Variants in SLC5A9 observed in about 807,000 individuals in gnomAD.
The protein encoded by SLC5A9 is sodium/glucose cotransporter 4.
In SLC5A9, 59 loss-of-function variants were observed where a neutral mutation model predicts 70.9. The observed-to-expected ratio is 0.83, with a 90% CI of 0.68 to 1.03. SLC5A9 has a LOEUF of 1.03. Among genes scored for constraint, SLC5A9 ranks in the 50% least tolerant of loss-of-function variants. The pLI is 0.00. For missense variants in SLC5A9, 832 were observed against 881.1 expected (o/e 0.94, Z 0.71); for synonymous variants, 340 against 346.5 (o/e 0.98, Z 0.21).
chr1:48,235,718 T>C lies in SLC5A9; in HGVS notation c.1142-11T>C. On this transcript the variant is annotated splice_polypyrimidine_tract_variant and intron_variant, in intron 9 of 13. Transcript: ENST00000438567. ...GGGCCAGCCGTTCACATGAGCCTCG[T>C]CTCTCCCCAGGTCTGCGGGGGCTGA... The C allele has an allele frequency of 1.2e-6, 2 of 1,614,048 alleles. No individual in the cohort carries two copies. The highest frequency in any genetic ancestry group is 1.7e-6 in the Non-Finnish European group (2 of 1,179,968).
At chr1:48,235,625 C>A in intron 9 of SLC5A9, 104 bp from the exon 10 acceptor site, 1 of 1,386,014 alleles carries the variant, frequency 7.2e-7, no homozygotes. Context: ...CTCTCATCCC[C>A]ACCCCCAGCT....
intron 12 of SLC5A9, chr1:48,241,010 C>T (rs551165742): frequency 6.6e-6 from 1 of 152,398 alleles, no homozygotes; most frequent in East Asian, 1.9e-4. Flanking sequence ...CTTCTGTTCA[C>T]TTCCATGAAA....
rs772901864 is a variant in SLC5A9, at chr1:48,242,510, G to A, written c.1731G>A (p.Lys577=). Reference sequence around the variant, plus strand: ...ACTGCCCCCTCTCTGAGCTGGAGAAGGAGGCCCACGAGAGCACACCGGAGA... The same window carrying A: ...ACTGCCCCCTCTCTGAGCTGGAGAAAGAGGCCCACGAGAGCACACCGGAGA... The part of the protein sequence containing the change: ...TRNCPLSELE[K]EAHESTPEIS... The change falls in exon 13 of 14, where the codon AAG becomes AAA. Residue 577 remains lysine (K), a synonymous_variant. Coordinates refer to ENST00000438567, the MANE Select transcript of SLC5A9 (RefSeq NM_001011547.3). The A allele has an allele frequency of 6.2e-7, 1 of 1,613,482 alleles. No individual in the cohort carries two copies. The highest frequency in any genetic ancestry group is 1.7e-5 in the Admixed American group (1 of 60,002).
chr1:48,233,563 G>A, intron 8 of SLC5A9, 92 bp from the exon 9 acceptor site: 1 of 940,804 alleles, frequency 1.1e-6, no homozygotes, highest in Non-Finnish European at 1.7e-6. Flanking sequence ...AGTCTCCAGT[G>A]AACATTATCC....
chr1:48,225,097 G>A (rs1163117900), intron 2 of SLC5A9, among the ~76,000 whole-genome samples: 7 of 152,096 alleles, frequency 4.6e-5, no homozygotes, highest in African/African-American at 1.4e-4. Context: ...GAGCTGAGTG[G>A]GGCAGATAGA....
chr1:48,246,793 C>T (rs1644464741), intron 13 of SLC5A9, among the ~76,000 whole-genome samples: 1 of 152,210 alleles, frequency 6.6e-6, no homozygotes, highest in Non-Finnish European at 1.5e-5. Context: ...GTCATTGATA[C>T]ATTTGAGACA....
chr1:48,224,755 G>A lies in SLC5A9; in HGVS notation c.194G>A (p.Gly65Asp). Residue 65 changes from glycine (G) to aspartate (D), a missense_variant, in exon 2 of 14, where the codon GGC (glycine) becomes GAC (aspartate). Gly to Asp is a moderately conservative substitution (Grantham distance 94). Transcript: ENST00000438567. ...SSIRASRGTI[G>D]GYFLAGRSMS... ...ATCCGTGCAAGTCGAGGGACCATTG[G>A]CGGCTATTTCCTGGCCGGGAGGTCC... is the stretch of plus-strand genomic sequence containing the variant. The A allele has an allele frequency of 6.2e-7, 1 of 1,614,118 alleles. No individual in the cohort carries two copies. The highest frequency in any genetic ancestry group is 8.5e-7 in the Non-Finnish European group (1 of 1,180,014).
intron 13 of SLC5A9, among the ~76,000 whole-genome samples, chr1:48,243,607 A>G (rs1367911683): frequency 6.6e-6 from 1 of 152,220 alleles, no homozygotes; most frequent in Non-Finnish European, 1.5e-5. Context: ...TCCCAAGGAA[A>G]ATGTTAAACT....
chr1:48,229,424 C>G lies in SLC5A9; in HGVS notation c.469C>G (p.Leu157Val). ...GAGGATCCAGGTGTACATGTCTGTC[C>G]TGTCTCTCATCCTCTACATCTTCAC... ...GQRIQVYMSV[L>V]SLILYIFTKI... Residue 157 changes from leucine (L) to valine (V), a missense_variant, in exon 4 of 14, where the codon CTG (leucine) becomes GTG (valine). Coordinates refer to ENST00000438567, the MANE Select transcript of SLC5A9 (RefSeq NM_001011547.3). 6.2e-7 allele frequency: 1 copy of G among 1,614,136 alleles called. No homozygotes were observed. The highest frequency in any genetic ancestry group is 8.5e-7 in the Non-Finnish European group (1 of 1,180,028).
At chr1:48,224,911 T>A (rs1186072669) in intron 2 of SLC5A9, 116 bp downstream of exon 2, 1 of 1,029,420 alleles carries the variant, frequency 9.7e-7, no homozygotes, top group African/African-American at 1.6e-5. Flanking sequence ...GACCTCCCCG[T>A]TGTGTTTCCT....
intron 4 of SLC5A9, 111 bp from the exon 5 acceptor site, chr1:48,230,489 T>C (rs28380281): frequency 5.6e-6 from 4 of 715,492 alleles, no homozygotes; most frequent in Non-Finnish European, 1.0e-5. Context: ...ATTTTCATCA[T>C]GTGATGAGGG....
intron 8 of SLC5A9, 84 bp downstream of exon 8, chr1:48,232,586 T>C: frequency 3.8e-6 from 6 of 1,559,750 alleles, no homozygotes; most frequent in African/African-American, 1.4e-5. Flanking sequence ...CCCTGGACAA[T>C]GTTAGGCCAG....
In SLC5A9 at chr1:48,239,647, C is replaced by G. The variant is rs1007186460; in HGVS notation, c.1677+110C>G. On this transcript the variant is annotated intron_variant, in intron 12 of 13. Transcript: ENST00000438567. The surrounding 1 kb of genome is among the most constrained non-coding windows in gnomAD (Gnocchi z 4.2). Reference sequence around the variant, plus strand: ...GTTGGGTTATGGTCTCCCCTGTGGCCACACAGATGTCCTTGGGAGGGAAAG... The same window carrying G: ...GTTGGGTTATGGTCTCCCCTGTGGCGACACAGATGTCCTTGGGAGGGAAAG... 3 of 1,007,126 alleles carry G rather than the reference C, an allele frequency of 3.0e-6. No homozygotes were observed. The highest frequency in any genetic ancestry group is 1.6e-5 in the African/African-American group (1 of 62,900). 62.4% of individuals were successfully genotyped at this position (1,007,126 alleles called of 1,614,324 possible).
chr1:48,244,377 T>A (rs1251583292), intron 13 of SLC5A9, among the ~76,000 whole-genome samples: 1 of 152,096 alleles, frequency 6.6e-6, no homozygotes, highest in African/African-American at 2.4e-5. Context: ...TATACTTTCC[T>A]CCAGACCTGA....
chr1:48,228,541 G>A (rs759872663), intron 2 of SLC5A9: 1 of 344,910 alleles, frequency 2.9e-6, no homozygotes, highest in Non-Finnish European at 5.5e-6. Flanking sequence ...TGGCCTCAGG[G>A]CGGAGGTCCA....
intron 6 of SLC5A9, 57 bp from the exon 7 acceptor site, chr1:48,231,889 G>A: frequency 6.2e-7 from 1 of 1,606,742 alleles, no homozygotes; most frequent in Non-Finnish European, 8.5e-7. Flanking sequence ...GGCTGGGCTT[G>A]CTGAGTGACA....
At position 48,229,441 on chromosome 1, in the gene SLC5A9, C is replaced by T. The variant is rs199536445; in HGVS notation, c.486C>T (p.Tyr162=). 3.8e-5 allele frequency: 61 copies of T among 1,614,070 alleles called. 1 individual carries two copies. The East Asian group carries it at 1.4e-3, about 36-fold the overall frequency. ...VYMSVLSLIL[Y]IFTKISTDIF... ...TGTCTGTCCTGTCTCTCATCCTCTA[C>T]ATCTTCACCAAGATCTCGGTAGGTG... The change falls in exon 4 of 14, where the codon TAC becomes TAT. Residue 162 remains tyrosine, a synonymous_variant. Transcript: ENST00000438567.
chr1:48,242,321 T>C (rs1644400237), intron 12 of SLC5A9, 136 bp from the exon 13 acceptor site: 3 of 1,015,592 alleles, frequency 3.0e-6, no homozygotes, highest in Non-Finnish European at 4.3e-6. Flanking sequence ...GATCCGGGCC[T>C]CCTGACTCCC....
chr1:48,233,813 C>T lies in SLC5A9; in HGVS notation c.1141+51C>T, dbSNP rs1168223790. 5 of 1,322,814 alleles carry T rather than the reference C, an allele frequency of 3.8e-6. No individual in the cohort carries two copies. The East Asian group carries it at 1.2e-4, about 31-fold the overall frequency. The allele number at this position is 1,322,814 out of a possible 1,614,324, so 81.9% of individuals were successfully genotyped here. A position where few individuals can be genotyped will look rare whatever the true frequency, so the allele number is the denominator to read the frequency against. ...CTGCACTCTCACCTCCAGCCTCCTC[C>T]AATCTCCACTGCCCAGGAGGGAAGG... is the stretch of plus-strand genomic sequence containing the variant. On this transcript the variant is annotated intron_variant, in intron 9 of 13. Coordinates refer to ENST00000438567, the MANE Select transcript of SLC5A9 (RefSeq NM_001011547.3).
Sources: allele counts gnomAD v4.1 joint callset (sites outside exome capture counted in the v4.1 genomes callset), GRCh38; gene constraint gnomAD v4.1.1; non-coding constraint Gnocchi (gnomAD v3.1); transcripts MANE v1.5; gene names NCBI Gene and HGNC (gene_info 2026-07-23, HGNC 2026-07-21).